The following MARCHF6 variants were observed in gnomAD, a reference collection of about 807,000 sequenced individuals.
MARCHF6 encodes membrane associated ring-CH-type finger 6, also known as E3 ubiquitin-protein ligase MARCHF6.
Under a neutral mutation model 133.7 loss-of-function variants are expected in MARCHF6, and 31 were observed. That is an observed-to-expected ratio of 0.23 (90% CI 0.17 to 0.31). The LOEUF is 0.31. Among genes scored for constraint, MARCHF6 ranks in the 10% least tolerant of loss-of-function variants. The pLI is 1.00. For missense variants in MARCHF6, 723 were observed against 1,121.6 expected, an observed-to-expected ratio of 0.64 and a Z score of 5.08; for synonymous variants, 395 against 402.5, an observed-to-expected ratio of 0.98 and a Z score of 0.22.
chr5:10,376,790 A>T (rs1040162742), intron 1 of MARCHF6, among the ~76,000 whole-genome samples: 5 of 152,170 alleles, frequency 3.3e-5, no homozygotes, highest in Non-Finnish European at 5.9e-5. Flanking sequence ...GCATGTGCTC[A>T]CTTGAATCCG....
chr5:10,398,586 A>AT lies in MARCHF6; in HGVS notation c.913+1254dup, dbSNP rs762512904. Among the ~76,000 whole-genome samples, 1,224 of 144,492 alleles carry AT rather than the reference A, an allele frequency of 8.5e-3. 12 individuals carry two copies. Among genetic ancestry groups the AT allele is most frequent in the African/African-American group, 0.023 (918 of 40,038 alleles). The allele number at this position is 144,492 out of a possible 152,430, so 94.8% of individuals were successfully genotyped here. A position where few individuals can be genotyped will look rare whatever the true frequency, so the allele number is the denominator to read the frequency against. ...GTGAAACTGTTATGATCTTGACTGCATTTTTTTTTTTTGAGAGAAAAAATG... is the reference window on the plus strand; with the variant it reads ...GTGAAACTGTTATGATCTTGACTGCATTTTTTTTTTTTTGAGAGAAAAAATG... On this transcript the variant is annotated intron_variant, in intron 10 of 25. Coordinates refer to ENST00000274140, the MANE Select transcript of MARCHF6 (RefSeq NM_005885.4).
At chr5:10,356,621 C>T (rs1735493067) in intron 1 of MARCHF6, among the ~76,000 whole-genome samples, 1 of 152,018 alleles carries the variant, frequency 6.6e-6, no homozygotes, top group Non-Finnish European at 1.5e-5. Context: ...GTCTCAAACT[C>T]CTGACCTCAG....
chr5:10,392,174 G>A (rs1737899148), intron 7 of MARCHF6, among the ~76,000 whole-genome samples: 1 of 152,084 alleles, frequency 6.6e-6, no homozygotes, highest in African/African-American at 2.4e-5. Context: ...TACCAGTATG[G>A]TCTCGATCTC....
chr5:10,400,498 G>T (rs1172098099), intron 10 of MARCHF6, among the ~76,000 whole-genome samples: 1 of 152,102 alleles, frequency 6.6e-6, no homozygotes, highest in Admixed American at 6.5e-5. Flanking sequence ...TGTATGTTCA[G>T]TGTTTTTCCA....
At chr5:10,390,813 A>C (rs1041738408) in intron 6 of MARCHF6, among the ~76,000 whole-genome samples, 1 of 152,202 alleles carries the variant, frequency 6.6e-6, no homozygotes, top group African/African-American at 2.4e-5. Context: ...ATGACAGAGC[A>C]TGTATGTATA....
intron 19 of MARCHF6, chr5:10,413,286 C>T (rs931865214): frequency 6.6e-6 from 1 of 152,260 alleles, no homozygotes; most frequent in Non-Finnish European, 1.5e-5. Context: ...CAAAAAAGGC[C>T]TTCTGAGCAA....
chr5:10,362,124 G>T (rs968562727), intron 1 of MARCHF6, among the ~76,000 whole-genome samples: 10 of 152,088 alleles, frequency 6.6e-5, no homozygotes, highest in Admixed American at 1.3e-4. Context: ...AATGTATTCT[G>T]TAAAGATGGA....
intron 25 of MARCHF6, among the ~76,000 whole-genome samples, chr5:10,432,933 C>T (rs1740439330): frequency 6.9e-6 from 1 of 144,472 alleles, no homozygotes; most frequent in Non-Finnish European, 1.5e-5. Context: ...GACGGAGTCA[C>T]ACTCTGTCAC....
chr5:10,356,343 A>AT (rs544284130), intron 1 of MARCHF6, among the ~76,000 whole-genome samples: 20 of 101,492 alleles, frequency 2.0e-4, no homozygotes, highest in African/African-American at 5.0e-4. Context: ...TCTGTTTTTT[A>AT]TTTATTTTAT....
In MARCHF6 at chr5:10,438,566, G is replaced by A. The variant is rs545110480; in HGVS notation, c.*4882G>A. The A allele has an allele frequency of 1.3e-5, 2 of 152,296 alleles. No individual in the cohort carries two copies. The highest frequency in any genetic ancestry group is 4.1e-4 in the South Asian group (2 of 4,824). 9.4% of individuals were successfully genotyped at this position (152,296 alleles called of 1,614,324 possible). On this transcript the variant is annotated 3_prime_UTR_variant, in exon 26 of 26. Transcript: ENST00000274140. ...TCTTGTTGCAAACATGTAGTGATAA[G>A]GAGAACTAACGTATCAAGGGGCTGA...
chr5:10,370,182 C>T (rs893716446), intron 1 of MARCHF6, among the ~76,000 whole-genome samples: 5 of 136,726 alleles, frequency 3.7e-5, no homozygotes, highest in African/African-American at 1.4e-4. Context: ...CTCGCTATAG[C>T]CTCAAGCTCC....
intron 18 of MARCHF6, 41 bp from the exon 19 acceptor site, chr5:10,411,292 G>T: frequency 6.6e-7 from 1 of 1,505,106 alleles, no homozygotes; most frequent in South Asian, 1.1e-5. Context: ...ATTTTATTGT[G>T]ACCTGAAGTG....
chr5:10,373,640 C>T (rs558457253), intron 1 of MARCHF6, among the ~76,000 whole-genome samples: 45 of 152,286 alleles, frequency 3.0e-4, no homozygotes, highest in Non-Finnish European at 4.6e-4. Flanking sequence ...ATGGCCGACC[C>T]GTCACGATGT....
intron 1 of MARCHF6, among the ~76,000 whole-genome samples, chr5:10,357,353 G>GTT (rs56199979): frequency 0.019 from 2,853 of 146,678 alleles, 75 homozygotes; most frequent in African/African-American, 0.058. Flanking sequence ...TAAAGCTGAG[G>GTT]TTTTTTTTTT....
intron 1 of MARCHF6, among the ~76,000 whole-genome samples, chr5:10,364,881 G>A (rs1316952128): frequency 6.6e-6 from 1 of 152,162 alleles, no homozygotes; most frequent in African/African-American, 2.4e-5. Flanking sequence ...TTGGCTGACT[G>A]CAACCTCTGC....
rs1455660608 is a variant in MARCHF6 at position 10,437,278 on chromosome 5, AT to A, written c.*3597del. ...CTACATTGTAAAATTAAAAGATTATATTTAAAATACTTCTTTAGGATGTTAT... is the reference window on the plus strand; with the variant it reads ...CTACATTGTAAAATTAAAAGATTATATTAAAATACTTCTTTAGGATGTTAT... On this transcript the variant is annotated 3_prime_UTR_variant, in exon 26 of 26. Coordinates refer to ENST00000274140, the MANE Select transcript of MARCHF6 (RefSeq NM_005885.4). 1 of 152,232 alleles carries A rather than the reference AT, an allele frequency of 6.6e-6. No individual in the cohort carries two copies. The highest frequency in any genetic ancestry group is 1.5e-5 in the Non-Finnish European group (1 of 68,048). 9.4% of individuals were successfully genotyped at this position (152,232 alleles called of 1,614,324 possible). A position where few individuals can be genotyped will look rare whatever the true frequency, so the allele number is the denominator to read the frequency against.
intron 1 of MARCHF6, among the ~76,000 whole-genome samples, chr5:10,360,903 C>T (rs1735781599): frequency 6.6e-6 from 1 of 152,198 alleles, no homozygotes; most frequent in African/African-American, 2.4e-5. Context: ...CTTCCAGATG[C>T]CTACTTCCCA....
chr5:10,395,491 T>A (rs1474773128), intron 9 of MARCHF6, among the ~76,000 whole-genome samples: 1 of 152,174 alleles, frequency 6.6e-6, no homozygotes, highest in Admixed American at 6.5e-5. Flanking sequence ...CTAGGAACTT[T>A]GCCATATTAG....
Position 10,403,487 on chromosome 5 carries a change from A to G in MARCHF6, c.1278A>G (p.Leu426=). The change falls in exon 15 of 26, where the codon CTA becomes CTG. Residue 426 remains leucine (L), a synonymous_variant. Coordinates refer to ENST00000274140, the MANE Select transcript of MARCHF6 (RefSeq NM_005885.4). ...APGTTMFLHW[L]VGMVYVFYFA... is the part of the protein sequence containing the mutation. ...GTACTACCATGTTTCTGCATTGGCTAGTGGGAATGGTATATGTCTTCTACT... is the reference window on the plus strand; with the variant it reads ...GTACTACCATGTTTCTGCATTGGCTGGTGGGAATGGTATATGTCTTCTACT... The G allele has an allele frequency of 6.2e-7, 1 of 1,613,874 alleles. No individual in the cohort carries two copies. Among genetic ancestry groups the G allele is most frequent in the South Asian group, 1.1e-5 (1 of 91,068 alleles).
Sources: gnomAD v4.1 joint callset for allele counts (sites outside exome capture counted in the v4.1 genomes callset) on GRCh38, gnomAD v4.1.1 for gene constraint, MANE v1.5 for transcripts, NCBI Gene and HGNC (gene_info 2026-07-23, HGNC 2026-07-21) for gene names.